The following MAGI2 variants were observed in gnomAD, a reference collection of about 807,000 sequenced individuals.
The protein encoded by MAGI2 is membrane associated guanylate kinase, WW and PDZ domain containing 2.
In MAGI2, 35 loss-of-function variants were observed where a neutral mutation model predicts 133.3. That is an observed-to-expected ratio of 0.26 (90% CI 0.20 to 0.35). The LOEUF is 0.35. Among genes scored for constraint, MAGI2 ranks in the 10% least tolerant of loss-of-function variants. MAGI2 has a pLI of 1.00. For missense variants in MAGI2, 1,636 were observed against 1,863.4 expected (o/e 0.88, Z 2.25); for synonymous variants, 729 against 710.6 (o/e 1.03, Z -0.41).
chr7:78,051,992 C>T (rs12113938), intron 21 of MAGI2, among the ~76,000 whole-genome samples: 15,382 of 151,722 alleles, frequency 0.1, 794 homozygotes, highest in African/African-American at 0.12. Context: ...CTGCCTCAGC[C>T]TCCCAAGTAG....
chr7:79,442,613 G>C (rs1282498879), intron 1 of MAGI2, among the ~76,000 whole-genome samples: 6 of 152,086 alleles, frequency 3.9e-5, no homozygotes, highest in Non-Finnish European at 8.8e-5. Context: ...TATAGATACT[G>C]TTTCAGAAGA....
intron 16 of MAGI2, among the ~76,000 whole-genome samples, chr7:78,137,204 G>A (rs1822239902): frequency 6.6e-6 from 1 of 152,264 alleles, no homozygotes; most frequent in East Asian, 1.9e-4. Context: ...ACAGTGTCTC[G>A]GAATGAATGG....
At chr7:78,214,862 C>A (rs1310311222) in intron 10 of MAGI2, among the ~76,000 whole-genome samples, 1 of 152,224 alleles carries the variant, frequency 6.6e-6, no homozygotes, top group Admixed American at 6.5e-5. Context: ...CTTGGTGCAA[C>A]TGACTTCTCT....
At chr7:78,981,020 T>G (rs1484339778) in intron 2 of MAGI2, among the ~76,000 whole-genome samples, 2 of 151,732 alleles carry the variant, frequency 1.3e-5, no homozygotes, top group Admixed American at 1.3e-4. Context: ...AGTCTAATTA[T>G]TGTTCTTTTG....
At chr7:78,060,195 T>G (rs2023949) in intron 21 of MAGI2, among the ~76,000 whole-genome samples, 7,755 of 151,620 alleles carry the variant, frequency 0.051, 459 homozygotes, top group East Asian at 0.13. Flanking sequence ...AGAGATACAT[T>G]ACATGAGAAT....
At chr7:78,302,461 C>G (rs1455823735) in intron 9 of MAGI2, among the ~76,000 whole-genome samples, 1 of 152,168 alleles carries the variant, frequency 6.6e-6, no homozygotes, top group African/African-American at 2.4e-5. Flanking sequence ...TTATATAGAA[C>G]AGGTCCCATC....
intron 2 of MAGI2, among the ~76,000 whole-genome samples, chr7:78,823,599 A>G (rs866711411): frequency 0.011 from 1,611 of 151,300 alleles, 41 homozygotes; most frequent in African/African-American, 0.036. Context: ...AAAAAAAAAA[A>G]AAAGAAATAC....
chr7:79,355,611 T>C (rs1358125059), intron 1 of MAGI2, among the ~76,000 whole-genome samples: 1 of 152,232 alleles, frequency 6.6e-6, no homozygotes, highest in Non-Finnish European at 1.5e-5. Context: ...ACCCAGATAG[T>C]TGCAGGGCCT....
chr7:79,138,534 A>G (rs1468899437), intron 1 of MAGI2, among the ~76,000 whole-genome samples: 2 of 152,188 alleles, frequency 1.3e-5, no homozygotes, highest in African/African-American at 2.4e-5. Context: ...ATGTAAAACT[A>G]TGTTTGAACA....
intron 1 of MAGI2, among the ~76,000 whole-genome samples, chr7:79,164,175 AT>A (rs956693868): frequency 6.6e-5 from 10 of 151,328 alleles, no homozygotes; most frequent in Non-Finnish European, 1.2e-4. Flanking sequence ...CTAAGCTCTG[AT>A]TTTTTTTTAC....
chr7:78,053,300 T>C (rs1238491528), intron 21 of MAGI2, among the ~76,000 whole-genome samples: 1 of 152,224 alleles, frequency 6.6e-6, no homozygotes, highest in East Asian at 1.9e-4. Context: ...ACATTAGTCT[T>C]TCAAAGAGCT....
chr7:79,425,010 T>C (rs1847240137), intron 1 of MAGI2, among the ~76,000 whole-genome samples: 1 of 152,030 alleles, frequency 6.6e-6, no homozygotes, highest in South Asian at 2.1e-4. Context: ...TTGTGGCCTT[T>C]TCTGGGAGCT....
chr7:79,079,939 G>T (rs1815896558), intron 1 of MAGI2, among the ~76,000 whole-genome samples: 1 of 151,964 alleles, frequency 6.6e-6, no homozygotes, highest in Non-Finnish European at 1.5e-5. Flanking sequence ...AAATAGTGAG[G>T]TACTAACATA....
At chr7:79,176,035 A>G (rs577458749) in intron 1 of MAGI2, among the ~76,000 whole-genome samples, 2 of 152,102 alleles carry the variant, frequency 1.3e-5, no homozygotes, top group Non-Finnish European at 2.9e-5. Flanking sequence ...ACCTGCTAAT[A>G]TAATAGTTTC....
chr7:78,752,248 T>C (rs1235859596), intron 2 of MAGI2, among the ~76,000 whole-genome samples: 1 of 152,218 alleles, frequency 6.6e-6, no homozygotes, highest in Non-Finnish European at 1.5e-5. Context: ...GATTGGATAA[T>C]GTTCTTGATT....
chr7:78,379,881 G>T (rs1466906872), intron 6 of MAGI2, among the ~76,000 whole-genome samples: 2 of 151,952 alleles, frequency 1.3e-5, no homozygotes, highest in East Asian at 3.9e-4. Context: ...AGATGTTAGT[G>T]TCAAAATTAT....
At chr7:78,421,442 A>G (rs1359814344) in intron 6 of MAGI2, among the ~76,000 whole-genome samples, 1 of 152,248 alleles carries the variant, frequency 6.6e-6, no homozygotes, top group African/African-American at 2.4e-5. Flanking sequence ...GATTTACTTA[A>G]AATGGCTACT....
At chr7:78,608,787 G>A (rs952161637) in intron 3 of MAGI2, among the ~76,000 whole-genome samples, 1 of 152,126 alleles carries the variant, frequency 6.6e-6, no homozygotes, top group Non-Finnish European at 1.5e-5. Context: ...GAAATTGAGG[G>A]CAAAACCACT....
intron 1 of MAGI2, among the ~76,000 whole-genome samples, chr7:79,313,269 C>T (rs1838438243): frequency 6.6e-6 from 1 of 152,102 alleles, no homozygotes; most frequent in Admixed American, 6.6e-5. Flanking sequence ...GAAGCATCAA[C>T]TCCAGTTATA....
Sources: allele counts gnomAD v4.1 joint callset (sites outside exome capture counted in the v4.1 genomes callset), GRCh38; gene constraint gnomAD v4.1.1; transcripts MANE v1.5; gene names NCBI Gene and HGNC (gene_info 2026-07-23, HGNC 2026-07-21).